The following TMC1 variants were observed in gnomAD, a reference collection of about 807,000 sequenced individuals.
The protein encoded by TMC1 is transmembrane channel-like protein 1.
TMC1 carries 84 observed loss-of-function variants against 105.8 expected under a neutral mutation model. The observed-to-expected ratio is 0.79, with a 90% CI of 0.67 to 0.95. The LOEUF (loss-of-function observed/expected upper bound fraction) is 0.95, where lower values mean the gene tolerates loss of function less well. Among genes scored for constraint, TMC1 ranks in the 40% least tolerant of loss-of-function variants. The pLI is 0.00. For missense variants in TMC1, 817 were observed against 914.1 expected, an observed-to-expected ratio of 0.89 and a Z score of 1.37; for synonymous variants, 315 against 311.5, an observed-to-expected ratio of 1.01 and a Z score of -0.12.
Position 72,736,012 on chromosome 9 carries a change from G to T in TMC1, c.363-4107G>T, listed in dbSNP as rs1470671813. 6.6e-5 allele frequency among the ~76,000 whole-genome samples: 10 copies of T among 152,044 alleles called. No individual in the cohort carries two copies. The East Asian group carries it at 1.5e-3, about 23-fold the overall frequency. On this transcript the variant is annotated intron_variant, in intron 8 of 23. Transcript: ENST00000297784. ...AAAACTTGGTGGGGGTGCTGGCAGG[G>T]ATCTCTCAGAGAATGAAGGAGGGGA...
At chr9:72,786,375 C>T (rs904711943) in intron 13 of TMC1, among the ~76,000 whole-genome samples, 16 of 152,088 alleles carry the variant, frequency 1.1e-4, no homozygotes, top group African/African-American at 1.2e-4. Flanking sequence ...TCCCGGGAGG[C>T]GGAGCTTGCA....
At chr9:72,781,044 A>G (rs1380148767) in intron 13 of TMC1, among the ~76,000 whole-genome samples, 1 of 152,160 alleles carries the variant, frequency 6.6e-6, no homozygotes, top group Non-Finnish European at 1.5e-5. Flanking sequence ...GACACAAACT[A>G]TAAAATCAAC....
At chr9:72,623,092 AAAG>A (rs1825283333) in intron 3 of TMC1, among the ~76,000 whole-genome samples, 1 of 151,096 alleles carries the variant, frequency 6.6e-6, no homozygotes, top group Non-Finnish European at 1.5e-5. Flanking sequence ...AACAACAACA[AAAG>A]AAAAAACAAA....
intron 2 of TMC1, among the ~76,000 whole-genome samples, chr9:72,602,270 G>A (rs1377026038): frequency 6.6e-6 from 1 of 151,136 alleles, no homozygotes; most frequent in Non-Finnish European, 1.5e-5. Flanking sequence ...GAGAAAGTAA[G>A]ACAACACACT....
chr9:72,737,332 G>C (rs1184550828), intron 8 of TMC1, among the ~76,000 whole-genome samples: 1 of 152,164 alleles, frequency 6.6e-6, no homozygotes, highest in Non-Finnish European at 1.5e-5. Context: ...CCGTAGAATT[G>C]ACTGTGTAAT....
At chr9:72,830,399 C>T in intron 21 of TMC1, 52 bp from the exon 22 acceptor site, 1 of 1,226,962 alleles carries the variant, frequency 8.2e-7, no homozygotes, top group Non-Finnish European at 1.2e-6. Context: ...TAAGAAGTAT[C>T]TTGGGGAACT....
At chr9:72,718,052 G>A (rs1056486683) in intron 8 of TMC1, among the ~76,000 whole-genome samples, 4 of 145,536 alleles carry the variant, frequency 2.7e-5, no homozygotes, top group African/African-American at 1.0e-4. Flanking sequence ...CTGAAGTAGT[G>A]ATTGTTTTAT....
At chr9:72,576,363 C>A (rs1015765567) in intron 1 of TMC1, among the ~76,000 whole-genome samples, 6 of 151,834 alleles carry the variant, frequency 4.0e-5, no homozygotes, top group Non-Finnish European at 7.4e-5. Context: ...CTTCTTGTCT[C>A]TCTCCTCCTC....
chr9:72,633,977 A>G (rs1013054854), intron 4 of TMC1, among the ~76,000 whole-genome samples: 1 of 152,194 alleles, frequency 6.6e-6, no homozygotes, highest in African/African-American at 2.4e-5. Context: ...GTTGCAGTAG[A>G]GAAAGCATTT....
rs189449951 is a variant in TMC1 at position 72,725,816 on chromosome 9, G to A, written c.363-14303G>A. Among the ~76,000 whole-genome samples, 336 of 151,960 alleles carry A rather than the reference G, an allele frequency of 2.2e-3. 2 individuals carry two copies. The highest frequency in any genetic ancestry group is 7.6e-3 in the African/African-American group (317 of 41,452). On this transcript the variant is annotated intron_variant, in intron 8 of 23. Coordinates refer to ENST00000297784, the MANE Select transcript of TMC1 (RefSeq NM_138691.3). ...AGCCATTCTCCTGCCTCAGCCTCCC[G>A]AGTACCTGGGACTACAGGTGGCCGC...
At chr9:72,550,210 G>A (rs1016209063) in intron 1 of TMC1, among the ~76,000 whole-genome samples, 1 of 151,286 alleles carries the variant, frequency 6.6e-6, no homozygotes, top group Non-Finnish European at 1.5e-5. Flanking sequence ...GCTCCTGCCT[G>A]TAATCCCAGC....
At chr9:72,596,172 G>T (rs1824716677) in intron 2 of TMC1, among the ~76,000 whole-genome samples, 2 of 152,150 alleles carry the variant, frequency 1.3e-5, no homozygotes, top group Non-Finnish European at 1.5e-5. Flanking sequence ...ACCGCGCCCA[G>T]CCAACTCTCA....
At chr9:72,645,055 A>G (rs2132146973) in intron 4 of TMC1, among the ~76,000 whole-genome samples, 1 of 152,326 alleles carries the variant, frequency 6.6e-6, no homozygotes, top group Non-Finnish European at 1.5e-5. Context: ...CAGATAACTC[A>G]TTTTAAGAAC....
At chr9:72,549,510 T>A (rs1280736460) in intron 1 of TMC1, among the ~76,000 whole-genome samples, 1 of 152,010 alleles carries the variant, frequency 6.6e-6, no homozygotes, top group African/African-American at 2.4e-5. Flanking sequence ...TGGCGCGATC[T>A]CCACTCAGTG....
intron 1 of TMC1, among the ~76,000 whole-genome samples, chr9:72,554,244 C>T (rs1823896920): frequency 6.6e-6 from 1 of 152,086 alleles, no homozygotes; most frequent in Admixed American, 6.6e-5. Context: ...AATTCTTTCC[C>T]ACTGAAATAC....
At chr9:72,621,957 A>C (rs946930390) in intron 3 of TMC1, among the ~76,000 whole-genome samples, 2 of 152,202 alleles carry the variant, frequency 1.3e-5, no homozygotes, top group Admixed American at 6.5e-5. Context: ...TAACAATAAA[A>C]ATTTGCAAGG....
In TMC1 at chr9:72,718,860, C is replaced by G. The variant is rs372647869; in HGVS notation, c.362+18217C>G. On this transcript the variant is annotated intron_variant, in intron 8 of 23. Coordinates refer to ENST00000297784, the MANE Select transcript of TMC1 (RefSeq NM_138691.3). The stretch of plus-strand genomic sequence containing the variant: ...GGTTAGGTACGAATGACCTCAGACT[C>G]TCCTTGTGTGGGGCTTGCTGTGGCT... Among the ~76,000 whole-genome samples, 16 of 152,250 alleles carry G rather than the reference C, an allele frequency of 1.1e-4. No homozygotes were observed. In the Middle Eastern group the frequency reaches 0.017, roughly 162 times the overall value.
chr9:72,821,325 C>G (rs984030660), intron 20 of TMC1, among the ~76,000 whole-genome samples: 12 of 151,862 alleles, frequency 7.9e-5, no homozygotes, highest in African/African-American at 2.9e-4. Flanking sequence ...GAAACCTCGT[C>G]TCTACTAAAA....
At chr9:72,547,667 A>G (rs1490827513) in intron 1 of TMC1, among the ~76,000 whole-genome samples, 1 of 152,186 alleles carries the variant, frequency 6.6e-6, no homozygotes, top group Non-Finnish European at 1.5e-5. Context: ...AGGACTTTAC[A>G]TTTGATCAGG....
Sources: allele counts gnomAD v4.1 joint callset (sites outside exome capture counted in the v4.1 genomes callset), GRCh38; gene constraint gnomAD v4.1.1; transcripts MANE v1.5; gene names NCBI Gene and HGNC (gene_info 2026-07-23, HGNC 2026-07-21).